The following FGF10 variants were observed in gnomAD, a reference collection of about 807,000 sequenced individuals.
FGF10 encodes the protein fibroblast growth factor 10.
FGF10 carries 2 observed loss-of-function variants against 19.8 expected under a neutral mutation model. The observed-to-expected ratio is 0.10, with a 90% CI of 0.04 to 0.32. The LOEUF (loss-of-function observed/expected upper bound fraction) is 0.32, where lower values mean the gene tolerates loss of function less well. Among genes scored for constraint, FGF10 ranks in the 10% least tolerant of loss-of-function variants. The pLI is 1.00. For missense variants in FGF10, 191 were observed against 246.3 expected (o/e 0.78, Z 1.50); for synonymous variants, 112 against 94.0 (o/e 1.19, Z -1.10).
chr5:44,343,228 A>T (rs1232147138), intron 1 of FGF10, among the ~76,000 whole-genome samples: 1 of 152,050 alleles, frequency 6.6e-6, no homozygotes, highest in African/African-American at 2.4e-5. Flanking sequence ...AATCTATGCT[A>T]TGAATCCTAA....
chr5:44,382,255 G>A lies in FGF10; in HGVS notation c.325+6103C>T, dbSNP rs1036145586. Among the ~76,000 whole-genome samples the A allele has an allele frequency of 2.6e-5, 4 of 152,228 alleles. 1 individual carries two copies. Among genetic ancestry groups the A allele is most frequent in the Admixed American group, 6.5e-5 (1 of 15,296 alleles). ...GATGTATTGTGCCAATTAGAACACA[G>A]CGTTCAAAGAAAGAACACAATTGAT... On this transcript the variant is annotated intron_variant, in intron 1 of 2. Coordinates refer to ENST00000264664, the MANE Select transcript of FGF10 (RefSeq NM_004465.2).
chr5:44,373,318 A>G (rs1741784670), intron 1 of FGF10, among the ~76,000 whole-genome samples: 1 of 152,172 alleles, frequency 6.6e-6, no homozygotes, highest in African/African-American at 2.4e-5. Context: ...TCTTCAGAGC[A>G]TGCTTTCCTA....
At chr5:44,351,022 C>A (rs1056093597) in intron 1 of FGF10, among the ~76,000 whole-genome samples, 5 of 151,228 alleles carry the variant, frequency 3.3e-5, no homozygotes, top group Admixed American at 6.6e-5. Flanking sequence ...TAAAATTAAC[C>A]TTCTTGGGTA....
intron 1 of FGF10, among the ~76,000 whole-genome samples, chr5:44,375,569 A>G (rs1451479386): frequency 6.6e-6 from 1 of 152,152 alleles, no homozygotes; most frequent in Non-Finnish European, 1.5e-5. Context: ...AGGGTCTTAT[A>G]TGACATGTGA....
intron 1 of FGF10, among the ~76,000 whole-genome samples, chr5:44,359,616 T>C (rs1046051659): frequency 3.3e-5 from 5 of 151,488 alleles, no homozygotes; most frequent in African/African-American, 1.2e-4. Context: ...TCTCAAAATC[T>C]TATTTTTCCT....
At chr5:44,361,919 T>C (rs1279439503) in intron 1 of FGF10, among the ~76,000 whole-genome samples, 2 of 151,610 alleles carry the variant, frequency 1.3e-5, no homozygotes, top group Non-Finnish European at 3.0e-5. Context: ...TCACCTCCTA[T>C]CACTCTCTCA....
At position 44,302,346 on chromosome 5, in the gene FGF10, TTC is replaced by T. The variant is rs1302337498; in HGVS notation, c.*2647_*2648del. Among the ~76,000 whole-genome samples, 2 of 147,856 alleles carry T rather than the reference TTC, an allele frequency of 1.4e-5. No individual in the cohort carries two copies. The highest frequency in any genetic ancestry group is 3.0e-5 in the Non-Finnish European group (2 of 67,274). ...TCCTTCCTTCCTGTCTTTCTGTCTTTTCTCTCTTTCTTTTCTCTTTTCTCTCT... is the reference window on the plus strand; with the variant it reads ...TCCTTCCTTCCTGTCTTTCTGTCTTTTCTCTTTCTTTTCTCTTTTCTCTCT... On this transcript the variant is annotated 3_prime_UTR_variant, in exon 3 of 3. Coordinates refer to ENST00000264664, the MANE Select transcript of FGF10 (RefSeq NM_004465.2).
chr5:44,338,913 G>T (rs1740908773), intron 1 of FGF10, among the ~76,000 whole-genome samples: 2 of 152,164 alleles, frequency 1.3e-5, no homozygotes, highest in South Asian at 2.1e-4. Context: ...TGTCTAACTA[G>T]CTACTTAGTA....
intron 1 of FGF10, among the ~76,000 whole-genome samples, chr5:44,328,808 A>C (rs2111750891): frequency 6.6e-6 from 1 of 152,280 alleles, no homozygotes; most frequent in East Asian, 1.9e-4. Flanking sequence ...ACACAAAAAG[A>C]CAAATATGTA....
intron 1 of FGF10, among the ~76,000 whole-genome samples, chr5:44,382,470 A>C (rs1340735359): frequency 6.6e-6 from 1 of 152,200 alleles, no homozygotes; most frequent in Non-Finnish European, 1.5e-5. Flanking sequence ...GTGGCTTTCC[A>C]AGATGCAGGT....
chr5:44,366,982 T>G (rs1181405832), intron 1 of FGF10, among the ~76,000 whole-genome samples: 1 of 152,058 alleles, frequency 6.6e-6, no homozygotes, highest in Non-Finnish European at 1.5e-5. Context: ...TAAAAGAGTA[T>G]GTCTTCAGGC....
intron 1 of FGF10, among the ~76,000 whole-genome samples, chr5:44,318,573 A>T (rs1253246636): frequency 6.6e-6 from 1 of 152,166 alleles, no homozygotes; most frequent in African/African-American, 2.4e-5. Context: ...GAAGGACAGA[A>T]AGTCTGCCAG....
At position 44,388,918 on chromosome 5, in the gene FGF10, A is replaced by G; in HGVS notation, c.-236T>C. 1.7e-6 allele frequency: 1 copy of G among 587,452 alleles called. No homozygotes were observed. The highest frequency in any genetic ancestry group is 3.1e-6 in the Non-Finnish European group (1 of 326,348). 36.4% of individuals were successfully genotyped at this position (587,452 alleles called of 1,614,324 possible). A position where few individuals can be genotyped will look rare whatever the true frequency, so the allele number is the denominator to read the frequency against. The stretch of plus-strand genomic sequence containing the variant: ...CTACGCCTCTGGAGCCTCCCGGTAA[A>G]TGGTGGACGTGGGTGGCCGCAGCAG... On this transcript the variant is annotated 5_prime_UTR_variant, in exon 1 of 3. Transcript: ENST00000264664.
intron 1 of FGF10, among the ~76,000 whole-genome samples, chr5:44,375,815 A>G (rs1007154300): frequency 2.0e-5 from 3 of 152,126 alleles, no homozygotes; most frequent in African/African-American, 7.2e-5. Flanking sequence ...GAAGATCACC[A>G]TCACTAAGAC....
At chr5:44,363,209 A>G (rs1741530480) in intron 1 of FGF10, among the ~76,000 whole-genome samples, 1 of 151,788 alleles carries the variant, frequency 6.6e-6, no homozygotes, top group Non-Finnish European at 1.5e-5. Context: ...TTCACCGTTA[A>G]TACAGTTTTC....
At chr5:44,357,128 A>G (rs1274544916) in intron 1 of FGF10, among the ~76,000 whole-genome samples, 1 of 148,610 alleles carries the variant, frequency 6.7e-6, no homozygotes, top group Non-Finnish European at 1.5e-5. Context: ...TAAAAAAAAA[A>G]CAACATTCTA....
chr5:44,339,855 C>G (rs1344954600), intron 1 of FGF10, among the ~76,000 whole-genome samples: 1 of 152,092 alleles, frequency 6.6e-6, no homozygotes, highest in Non-Finnish European at 1.5e-5. Context: ...CTATCAATGT[C>G]CATCTCTTGC....
intron 2 of FGF10, among the ~76,000 whole-genome samples, chr5:44,307,690 G>A (rs1165412597): frequency 6.6e-6 from 1 of 151,978 alleles, no homozygotes; most frequent in East Asian, 1.9e-4. Context: ...AATGAAGGTA[G>A]GAATTACAAG....
chr5:44,368,697 G>T (rs555296646), intron 1 of FGF10, among the ~76,000 whole-genome samples: 13 of 152,104 alleles, frequency 8.5e-5, no homozygotes, highest in East Asian at 1.9e-4. Flanking sequence ...TTGAGACAGG[G>T]TCTCACTCTT....
Sources: allele counts gnomAD v4.1 joint callset (sites outside exome capture counted in the v4.1 genomes callset), GRCh38; gene constraint gnomAD v4.1.1; transcripts MANE v1.5; gene names NCBI Gene and HGNC (gene_info 2026-07-23, HGNC 2026-07-21).